The following MTNAP1 variants were observed in gnomAD, a reference collection of about 807,000 sequenced individuals.
The protein encoded by MTNAP1 is mitochondrial nucleoid associated protein 1.
the MTNAP1 span, chr17:73,232,529 A>G: frequency 4.2e-6 from 2 of 474,408 alleles, no homozygotes; most frequent in East Asian, 3.5e-5. Context: ...AATAAATTCA[A>G]TTATGTCATA....
At chr17:73,243,164 A>AT in the MTNAP1 span, 1 of 657,984 alleles carries the variant, frequency 1.5e-6, no homozygotes, top group Admixed American at 2.4e-5. Context: ...TCTGGGTTTT[A>AT]TTTTTTTGAG....
chr17:73,236,589 G>A, the MTNAP1 span: 5,521 of 1,614,152 alleles, frequency 3.4e-3, 29 homozygotes, highest in Non-Finnish European at 3.2e-3. Flanking sequence ...ATTCTGTATC[G>A]CAGTCAAGTA....
At chr17:73,235,935 A>G in the MTNAP1 span, 1 of 1,614,238 alleles carries the variant, frequency 6.2e-7, no homozygotes, top group African/African-American at 1.3e-5. Context: ...CTAAAAGAGA[A>G]CTTGCCAAAG....
the MTNAP1 span, among the ~76,000 whole-genome samples, chr17:73,238,921 C>CTG: frequency 6.8e-4 from 103 of 150,978 alleles, no homozygotes; most frequent in Non-Finnish European, 1.3e-3. Context: ...CCATACTTTT[C>CTG]TGTGTGTGTG....
the MTNAP1 span, chr17:73,235,520 A>G: frequency 6.2e-7 from 1 of 1,613,890 alleles, no homozygotes; most frequent in Non-Finnish European, 8.5e-7. Context: ...GTGTGTCCTT[A>G]CTGTAAGAAG....
the MTNAP1 span, chr17:73,242,953 T>C: frequency 6.2e-7 from 1 of 1,613,936 alleles, no homozygotes; most frequent in Non-Finnish European, 8.5e-7. Context: ...ATCACGATGC[T>C]CTTCACAGGA....
At chr17:73,235,435 A>G in the MTNAP1 span, 1 of 1,493,462 alleles carries the variant, frequency 6.7e-7, no homozygotes, top group South Asian at 1.2e-5. Context: ...TGGTATGTAC[A>G]AACTATGTGC....
chr17:73,236,480 A>G, the MTNAP1 span: 1 of 1,614,100 alleles, frequency 6.2e-7, no homozygotes, highest in South Asian at 1.1e-5. Context: ...CATGGCTGTG[A>G]GAACTTCAAC....
the MTNAP1 span, among the ~76,000 whole-genome samples, chr17:73,239,768 G>A: frequency 1.5e-3 from 228 of 151,658 alleles, 1 homozygote; most frequent in African/African-American, 5.2e-3. Flanking sequence ...TGATCCTCCC[G>A]CCTTGGCCTC....
the MTNAP1 span, among the ~76,000 whole-genome samples, chr17:73,246,834 T>C: frequency 8.0e-4 from 122 of 152,318 alleles, 1 homozygote; most frequent in African/African-American, 2.7e-3. Flanking sequence ...AAGAACTTCA[T>C]TGGAACCCAG....
chr17:73,245,638 C>T, the MTNAP1 span: 4 of 985,224 alleles, frequency 4.1e-6, no homozygotes, highest in South Asian at 1.9e-4. Context: ...CCACATCAGG[C>T]CCTTCCCCTT....
the MTNAP1 span, chr17:73,236,721 G>A: frequency 6.2e-7 from 1 of 1,614,074 alleles, no homozygotes; most frequent in Non-Finnish European, 8.5e-7. Flanking sequence ...AGTTATCTCT[G>A]GAGCCCAAAT....
the MTNAP1 span, among the ~76,000 whole-genome samples, chr17:73,243,999 C>G: frequency 6.6e-6 from 1 of 152,196 alleles, no homozygotes; most frequent in African/African-American, 2.4e-5. Flanking sequence ...ACAGCTGTCA[C>G]TTACCAATGT....
the MTNAP1 span, among the ~76,000 whole-genome samples, chr17:73,238,873 GA>G: frequency 1.3e-5 from 2 of 152,080 alleles, no homozygotes; most frequent in Admixed American, 6.6e-5. Flanking sequence ...CCATGTTGTA[GA>G]AAATACACCA....
chr17:73,237,149 A>C, the MTNAP1 span, among the ~76,000 whole-genome samples: 292 of 152,310 alleles, frequency 1.9e-3, 12 homozygotes, highest in Admixed American at 0.016. Context: ...GTCCTGAAAG[A>C]GGCTGGGTGT....
chr17:73,236,059 C>T, the MTNAP1 span: 1 of 1,614,150 alleles, frequency 6.2e-7, no homozygotes, highest in East Asian at 2.2e-5. Context: ...TTCCTCAACT[C>T]TACCTAATGA....
the MTNAP1 span, chr17:73,247,298 C>T: frequency 1.3e-5 from 21 of 1,614,048 alleles, no homozygotes; most frequent in Admixed American, 1.7e-5. Flanking sequence ...ATTGGTGTGG[C>T]GAAGACGACT....
At chr17:73,247,399 G>T in the MTNAP1 span, 7 of 1,571,164 alleles carry the variant, frequency 4.5e-6, no homozygotes, top group East Asian at 1.6e-4. Flanking sequence ...TTCGTGCCCT[G>T]TGTTGCCCAC....
chr17:73,242,341 T>G, the MTNAP1 span: 2 of 1,579,780 alleles, frequency 1.3e-6, no homozygotes, highest in Non-Finnish European at 1.7e-6. Context: ...TCTTGGGAGC[T>G]GTACAAAAAG....
Sources: gnomAD v4.1 joint callset for allele counts (sites outside exome capture counted in the v4.1 genomes callset) on GRCh38, gnomAD v4.1.1 for gene constraint, MANE v1.5 for transcripts, NCBI Gene and HGNC (gene_info 2026-07-23, HGNC 2026-07-21) for gene names.